PAM: variants seen among roughly 807,000 people sequenced by gnomAD.
The protein encoded by PAM is peptidylglycine alpha-amidating monooxygenase, also known as peptidyl-glycine alpha-amidating monooxygenase.
Under a neutral mutation model 122.1 loss-of-function variants are expected in PAM, and 72 were observed. That is an observed-to-expected ratio of 0.59 (90% confidence interval 0.49 to 0.72). PAM has a LOEUF of 0.72. Among genes scored for constraint, PAM ranks in the 30% least tolerant of loss-of-function variants. The pLI is 0.00. For missense variants in PAM, 1,106 were observed against 1,183.7 expected, an observed-to-expected ratio of 0.93 and a Z score of 0.96; for synonymous variants, 389 against 404.4, an observed-to-expected ratio of 0.96 and a Z score of 0.46.
At position 102,994,709 on chromosome 5, in the gene PAM, T is replaced by C. The variant is rs182389853; in HGVS notation, c.1613+4308T>C. On this transcript the variant is annotated intron_variant, in intron 16 of 25. Transcript: ENST00000438793. Reference sequence around the variant, plus strand: ...TGGAAGTTTATGCTTATGCAGTGTTTTAAAAATATTGAATTCAGGGCTTTA... The same window carrying C: ...TGGAAGTTTATGCTTATGCAGTGTTCTAAAAATATTGAATTCAGGGCTTTA... 1.3e-4 allele frequency among the ~76,000 whole-genome samples: 20 copies of C among 152,316 alleles called. No individual in the cohort carries two copies. In the East Asian group the frequency reaches 3.7e-3, roughly 28 times the overall value.
chr5:102,858,869 A>G (rs1190380999), intron 1 of PAM, among the ~76,000 whole-genome samples: 1 of 152,192 alleles, frequency 6.6e-6, no homozygotes, highest in Non-Finnish European at 1.5e-5. Flanking sequence ...TGCTTTACTC[A>G]GTGTCACGAC....
Position 102,780,581 on chromosome 5 carries a change from A to G in PAM, c.-374+25233A>G, listed in dbSNP as rs143247404. On this transcript the variant is annotated intron_variant, in intron 1 of 25. Transcript: ENST00000438793. ...ACTTCATTAAAAAAAGGTCGTGCACATTGCATGGTGTACCTCCCGACTGAA... is the reference window on the plus strand; with the variant it reads ...ACTTCATTAAAAAAAGGTCGTGCACGTTGCATGGTGTACCTCCCGACTGAA... Among the ~76,000 whole-genome samples the G allele has an allele frequency of 1.2e-4, 18 of 151,998 alleles. No individual in the cohort carries two copies. The East Asian group carries it at 3.3e-3, about 28-fold the overall frequency.
intron 23 of PAM, among the ~76,000 whole-genome samples, chr5:103,020,961 A>C (rs1315248285): frequency 1.3e-5 from 2 of 152,176 alleles, no homozygotes; most frequent in Non-Finnish European, 2.9e-5. Flanking sequence ...CTGTCCCCCT[A>C]GTTTTATGTC....
chr5:102,993,641 G>A (rs1774826831), intron 16 of PAM, among the ~76,000 whole-genome samples: 1 of 152,122 alleles, frequency 6.6e-6, no homozygotes, highest in African/African-American at 2.4e-5. Context: ...AAATTAGTTT[G>A]TATAAGTGAA....
chr5:102,943,539 G>T (rs1755980416), intron 7 of PAM, among the ~76,000 whole-genome samples: 1 of 152,026 alleles, frequency 6.6e-6, no homozygotes, highest in South Asian at 2.1e-4. Context: ...CTAAGATATA[G>T]AACCCTTGTT....
intron 1 of PAM, among the ~76,000 whole-genome samples, chr5:102,769,899 G>A (rs764242270): frequency 6.6e-5 from 10 of 151,966 alleles, no homozygotes; most frequent in Non-Finnish European, 1.0e-4. Context: ...AATTTCACTG[G>A]TATTTTGATA....
At chr5:103,002,804 G>A (rs1191285966) in intron 16 of PAM, among the ~76,000 whole-genome samples, 2 of 152,146 alleles carry the variant, frequency 1.3e-5, no homozygotes, top group Non-Finnish European at 2.9e-5. Flanking sequence ...GTCTGAAACT[G>A]CATTTCCCAG....
chr5:102,948,477 C>T, intron 9 of PAM, 32 bp downstream of exon 9: 3 of 975,230 alleles, frequency 3.1e-6, no homozygotes, highest in Non-Finnish European at 5.0e-6. Context: ...TTTACCATTA[C>T]CTCATTACCT....
At chr5:102,890,819 A>C (rs556250682) in intron 3 of PAM, among the ~76,000 whole-genome samples, 1 of 152,022 alleles carries the variant, frequency 6.6e-6, no homozygotes, top group African/African-American at 2.4e-5. Context: ...CTAATGTAAA[A>C]TTAACTTATG....
chr5:102,904,593 T>A (rs967197514), intron 4 of PAM, among the ~76,000 whole-genome samples: 5 of 151,584 alleles, frequency 3.3e-5, no homozygotes, highest in Admixed American at 6.6e-5. Context: ...TTCTGCTACA[T>A]ATAAGTTATT....
intron 14 of PAM, among the ~76,000 whole-genome samples, chr5:102,969,716 T>G (rs1320151034): frequency 6.6e-6 from 1 of 152,170 alleles, no homozygotes; most frequent in Non-Finnish European, 1.5e-5. Flanking sequence ...GAGCTCCATT[T>G]TAGACATTTT....
chr5:103,012,604 C>T (rs1355195616), intron 21 of PAM, among the ~76,000 whole-genome samples: 3 of 152,056 alleles, frequency 2.0e-5, no homozygotes, highest in Non-Finnish European at 2.9e-5. Context: ...CCTGTAATCC[C>T]AGCACTTTGG....
At chr5:102,973,503 T>G (rs1766567104) in intron 14 of PAM, among the ~76,000 whole-genome samples, 1 of 152,192 alleles carries the variant, frequency 6.6e-6, no homozygotes, top group Non-Finnish European at 1.5e-5. Context: ...TTTAAAAGTA[T>G]CCTTTGCTCA....
chr5:102,915,616 G>T (rs1802875483), intron 5 of PAM, among the ~76,000 whole-genome samples: 2 of 151,992 alleles, frequency 1.3e-5, no homozygotes, highest in Non-Finnish European at 2.9e-5. Flanking sequence ...ACATCCTTTG[G>T]TTTTTATGCT....
At chr5:103,021,760 C>G (rs1251740773) in intron 23 of PAM, among the ~76,000 whole-genome samples, 1 of 152,128 alleles carries the variant, frequency 6.6e-6, no homozygotes, top group Non-Finnish European at 1.5e-5. Context: ...TGCTGGATCT[C>G]TAGATCTTAT....
chr5:102,763,491 G>C (rs1288775225), intron 1 of PAM, among the ~76,000 whole-genome samples: 1 of 151,956 alleles, frequency 6.6e-6, no homozygotes, highest in Admixed American at 6.6e-5. Flanking sequence ...ATTTACACAC[G>C]ACAGCAACAA....
intron 21 of PAM, among the ~76,000 whole-genome samples, chr5:103,016,106 C>A (rs1781911843): frequency 6.6e-6 from 1 of 152,088 alleles, no homozygotes; most frequent in Non-Finnish European, 1.5e-5. Context: ...TTCAGCAAGG[C>A]AGCATTTTGA....
intron 7 of PAM, among the ~76,000 whole-genome samples, chr5:102,936,797 G>C (rs1314620035): frequency 6.6e-6 from 1 of 152,008 alleles, no homozygotes; most frequent in Non-Finnish European, 1.5e-5. Context: ...ACTGGGCCCA[G>C]GATTCTGAAA....
intron 1 of PAM, among the ~76,000 whole-genome samples, chr5:102,792,927 T>A (rs947763401): frequency 6.6e-6 from 1 of 152,126 alleles, no homozygotes; most frequent in African/African-American, 2.4e-5. Context: ...AAGTTCAGAG[T>A]GCCTCCTAGT....
Sources: allele counts gnomAD v4.1 joint callset (sites outside exome capture counted in the v4.1 genomes callset), GRCh38; gene constraint gnomAD v4.1.1; transcripts MANE v1.5; gene names NCBI Gene and HGNC (gene_info 2026-07-23, HGNC 2026-07-21).